The following ZC3HAV1 variants were observed in gnomAD, a reference collection of about 807,000 sequenced individuals.
ZC3HAV1 encodes zinc finger CCCH-type antiviral protein 1.
ZC3HAV1 carries 41 observed loss-of-function variants against 86.6 expected under a neutral mutation model. The ratio of observed to expected loss-of-function variants is 0.47; its 90% CI spans 0.37 to 0.61. ZC3HAV1 has a LOEUF of 0.61. Ranked by LOEUF, ZC3HAV1 falls within the 20% of genes least tolerant of loss-of-function variation. ZC3HAV1 has a pLI of 0.00. For missense variants in ZC3HAV1, 964 were observed against 1,141.1 expected, an observed-to-expected ratio of 0.84 and a Z score of 2.24; for synonymous variants, 421 against 432.1, an observed-to-expected ratio of 0.97 and a Z score of 0.32.
chr7:139,051,725 C>G (rs768517399), intron 12 of ZC3HAV1, among the ~76,000 whole-genome samples: 5 of 152,194 alleles, frequency 3.3e-5, no homozygotes, highest in Non-Finnish European at 5.9e-5. Flanking sequence ...TGCCTGGCCA[C>G]AGTCATTTAA....
chr7:139,089,988 C>T (rs1817382431), intron 1 of ZC3HAV1, among the ~76,000 whole-genome samples: 2 of 152,038 alleles, frequency 1.3e-5, no homozygotes, highest in Admixed American at 6.5e-5. Flanking sequence ...GGTGCAACCT[C>T]GGCTCACTGC....
chr7:139,089,771 CA>C lies in ZC3HAV1; in HGVS notation c.309-13del. 1 of 1,604,372 alleles carries C rather than the reference CA, an allele frequency of 6.2e-7. No homozygotes were observed. Among genetic ancestry groups the C allele is most frequent in the Non-Finnish European group, 8.5e-7 (1 of 1,176,792 alleles). Reference sequence around the variant, plus strand: ...ATTTGCATAAATTCCTGGAAGAAAACACGACAATGGTCAGTATTTCTACTAC... The same window carrying C: ...ATTTGCATAAATTCCTGGAAGAAAACCGACAATGGTCAGTATTTCTACTAC... On this transcript the variant is annotated splice_polypyrimidine_tract_variant and intron_variant, in intron 1 of 12. Transcript: ENST00000242351.
chr7:139,082,396 C>A (rs1349125800), intron 3 of ZC3HAV1, among the ~76,000 whole-genome samples: 2 of 151,250 alleles, frequency 1.3e-5, no homozygotes, highest in African/African-American at 2.4e-5. Context: ...GCACTGCTGG[C>A]AGAAATGAAA....
At chr7:139,083,290 C>T (rs1339809995) in intron 3 of ZC3HAV1, among the ~76,000 whole-genome samples, 9 of 150,594 alleles carry the variant, frequency 6.0e-5, no homozygotes, top group African/African-American at 2.2e-4. Context: ...GAATTGCAAA[C>T]ACTGCATGTA....
intron 1 of ZC3HAV1, among the ~76,000 whole-genome samples, chr7:139,096,408 G>T (rs376952623): frequency 6.6e-6 from 1 of 152,130 alleles, no homozygotes; most frequent in Non-Finnish European, 1.5e-5. Flanking sequence ...ATACTTCCCA[G>T]CATAAGTCCC....
chr7:139,060,803 T>G, intron 9 of ZC3HAV1: 2 of 1,388,528 alleles, frequency 1.4e-6, no homozygotes, highest in Non-Finnish European at 1.9e-6. Context: ...TTTAGGAGAC[T>G]CGCTCAGACT....
At chr7:139,064,080 G>A (rs550465970) in intron 8 of ZC3HAV1, among the ~76,000 whole-genome samples, 5 of 152,332 alleles carry the variant, frequency 3.3e-5, no homozygotes, top group African/African-American at 4.8e-5. Context: ...CACTTGACAT[G>A]TACTGCCAGA....
chr7:139,054,840 T>C (rs1816236516), intron 10 of ZC3HAV1, among the ~76,000 whole-genome samples: 1 of 152,042 alleles, frequency 6.6e-6, no homozygotes, highest in Non-Finnish European at 1.5e-5. Context: ...TGGGCAGGAG[T>C]GCAGTGGCGC....
intron 1 of ZC3HAV1, among the ~76,000 whole-genome samples, chr7:139,106,595 A>G (rs908435980): frequency 2.0e-5 from 3 of 152,128 alleles, no homozygotes; most frequent in African/African-American, 7.2e-5. Context: ...GCCTTGGGTG[A>G]CCCTATCTCA....
chr7:139,044,143 A>C lies in ZC3HAV1; in HGVS notation c.*3451T>G, dbSNP rs1016475631. The C allele has an allele frequency of 2.0e-5, 3 of 152,216 alleles. No individual in the cohort carries two copies. Among genetic ancestry groups the C allele is most frequent in the Admixed American group, 6.5e-5 (1 of 15,290 alleles). The allele number at this position is 152,216 out of a possible 1,614,324, so 9.4% of individuals were successfully genotyped here. On this transcript the variant is annotated 3_prime_UTR_variant, in exon 13 of 13. Transcript: ENST00000242351. ...GAGAGTAACTCATTTGTTTTCTCTG[A>C]GACAATCTGTAATTTGTCTTGTCCT... is the stretch of plus-strand genomic sequence containing the variant.
chr7:139,093,593 GCTCC>G (rs554059844), intron 1 of ZC3HAV1, among the ~76,000 whole-genome samples: 2 of 152,248 alleles, frequency 1.3e-5, no homozygotes, highest in African/African-American at 4.8e-5. Flanking sequence ...TGGCTCAAAA[GCTCC>G]CCCACTGAGC....
chr7:139,074,285 T>G lies in ZC3HAV1; in HGVS notation c.1698-255A>C, dbSNP rs532718126. The stretch of plus-strand genomic sequence containing the variant: ...CAGAAAATATCCCAAAATAAAACTG[T>G]GCCCACAAAACTCCTGATTGGCTCA... On this transcript the variant is annotated intron_variant, in intron 6 of 12. Coordinates refer to ENST00000242351, the MANE Select transcript of ZC3HAV1 (RefSeq NM_020119.4). 9.8e-5 allele frequency among the ~76,000 whole-genome samples: 15 copies of G among 152,346 alleles called. 1 individual carries two copies. In the South Asian group the frequency reaches 2.3e-3, roughly 23 times the overall value.
At chr7:139,063,567 T>A (rs745536544) in intron 8 of ZC3HAV1, among the ~76,000 whole-genome samples, 20 of 151,668 alleles carry the variant, frequency 1.3e-4, no homozygotes, top group African/African-American at 4.4e-4. Flanking sequence ...TACAAAAAAA[T>A]TTTTAAATTA....
At position 139,073,851 on chromosome 7, in the gene ZC3HAV1, C is replaced by T; in HGVS notation, c.1872+5G>A. ...GAGCCCCCTACAAGGAGGAACAGTG[C>T]TCACCTCTTCTCCATACTGAATCCA... On this transcript the variant is annotated splice_donor_5th_base_variant and intron_variant, in intron 7 of 12. Transcript: ENST00000242351. The T allele has an allele frequency of 6.2e-7, 1 of 1,608,272 alleles. No individual in the cohort carries two copies. Among genetic ancestry groups the T allele is most frequent in the South Asian group, 1.1e-5 (1 of 90,628 alleles).
intron 3 of ZC3HAV1, among the ~76,000 whole-genome samples, chr7:139,081,343 G>T (rs188373643): frequency 1.6e-4 from 24 of 152,240 alleles, no homozygotes; most frequent in African/African-American, 5.5e-4. Flanking sequence ...TCCAAACCCA[G>T]GGGGCAGTAG....
Position 139,089,696 on chromosome 7 carries a change from G to A in ZC3HAV1, c.372C>T (p.His124=), listed in dbSNP as rs369615584. 26 of 1,612,822 alleles carry A rather than the reference G, an allele frequency of 1.6e-5. No homozygotes were observed. The highest frequency in any genetic ancestry group is 1.6e-4 in the East Asian group (7 of 44,776). The change falls in exon 2 of 13, where the codon CAC becomes CAT. Residue 124 remains histidine (H), a synonymous_variant. Coordinates refer to ENST00000242351, the MANE Select transcript of ZC3HAV1 (RefSeq NM_020119.4). ...SEENFKVLKN[H]ELSGLNKEEL... is the part of the protein sequence containing the mutation. ...CCTCTTTGTTCAGTCCAGAGAGTTC[G>A]TGATTTTTCAGGACTTTGAAGTTCT...
intron 12 of ZC3HAV1, among the ~76,000 whole-genome samples, chr7:139,051,768 T>C (rs1816131013): frequency 6.6e-6 from 1 of 152,138 alleles, no homozygotes; most frequent in South Asian, 2.1e-4. Context: ...CAAAATGTGT[T>C]TGGGGCCATG....
chr7:139,065,065 A>G (rs894202728), intron 7 of ZC3HAV1, 66 bp from the exon 8 acceptor site: 10 of 1,595,236 alleles, frequency 6.3e-6, no homozygotes, highest in Non-Finnish European at 7.7e-6. Context: ...CTGTTATATG[A>G]TTTCGTTTTA....
intron 1 of ZC3HAV1, among the ~76,000 whole-genome samples, chr7:139,098,325 G>C (rs1459893063): frequency 6.6e-6 from 1 of 152,136 alleles, no homozygotes; most frequent in African/African-American, 2.4e-5. Context: ...AAGTAGAACA[G>C]TAAATAGTAT....
Sources: gnomAD v4.1 joint callset for allele counts (sites outside exome capture counted in the v4.1 genomes callset) on GRCh38, gnomAD v4.1.1 for gene constraint, MANE v1.5 for transcripts, NCBI Gene and HGNC (gene_info 2026-07-23, HGNC 2026-07-21) for gene names.